The following RBFOX1 variants were observed in gnomAD, a reference collection of about 807,000 sequenced individuals.
RBFOX1 encodes RNA binding protein fox-1 homolog 1.
Under a neutral mutation model 57.7 loss-of-function variants are expected in RBFOX1, and 8 were observed. The ratio of observed to expected loss-of-function variants is 0.14; its 90% CI spans 0.08 to 0.25. The LOEUF (loss-of-function observed/expected upper bound fraction) is 0.25, where lower values mean the gene tolerates loss of function less well. Ranked by LOEUF, RBFOX1 falls within the 10% of genes least tolerant of loss-of-function variation. RBFOX1 has a pLI of 1.00. For synonymous variants in RBFOX1, 326 were observed against 222.4 expected, an observed-to-expected ratio of 1.47 and a Z score of -4.15; for missense variants, 611 against 548.5, an observed-to-expected ratio of 1.11 and a Z score of -1.14.
At chr16:6,826,736 C>G (rs143817555) in intron 3 of RBFOX1, among the ~76,000 whole-genome samples, 1 of 152,058 alleles carries the variant, frequency 6.6e-6, no homozygotes, top group Non-Finnish European at 1.5e-5. Context: ...GCTCATTTCT[C>G]TTTAATAATT....
At chr16:6,520,454 C>A (rs1159050763) in intron 2 of RBFOX1, among the ~76,000 whole-genome samples, 1 of 151,982 alleles carries the variant, frequency 6.6e-6, no homozygotes, top group African/African-American at 2.4e-5. Context: ...GTCTGAAGGG[C>A]CTCATTTAAC....
intron 3 of RBFOX1, among the ~76,000 whole-genome samples, chr16:5,856,875 T>G (rs369703551): frequency 2.2e-3 from 336 of 152,066 alleles, no homozygotes; most frequent in African/African-American, 7.8e-3. Context: ...GTCCATATCA[T>G]CAGCAAGGCT....
chr16:6,402,417 T>C (rs1479470770), intron 2 of RBFOX1, among the ~76,000 whole-genome samples: 2 of 152,252 alleles, frequency 1.3e-5, no homozygotes, highest in Non-Finnish European at 2.9e-5. Context: ...ACACATTTGC[T>C]TGCTTTTTTT....
chr16:7,481,310 A>T (rs893462115), intron 4 of RBFOX1, among the ~76,000 whole-genome samples: 1 of 152,202 alleles, frequency 6.6e-6, no homozygotes, highest in African/African-American at 2.4e-5. Flanking sequence ...TTATCTATAT[A>T]ATGTGTAAAC....
intron 1 of RBFOX1, 64 bp from the exon 2 acceptor site, chr16:6,316,931 A>C: frequency 7.0e-7 from 1 of 1,423,350 alleles, no homozygotes; most frequent in Non-Finnish European, 9.5e-7. Flanking sequence ...TGACAAAAAA[A>C]GTGCGGACAA....
chr16:6,891,601 G>A (rs1383733504), intron 3 of RBFOX1, among the ~76,000 whole-genome samples: 2 of 152,166 alleles, frequency 1.3e-5, no homozygotes, highest in Non-Finnish European at 2.9e-5. Context: ...CAGCACCATT[G>A]TTCCAAATCA....
chr16:6,192,811 T>A (rs532537495), intron 1 of RBFOX1, among the ~76,000 whole-genome samples: 1 of 152,278 alleles, frequency 6.6e-6, no homozygotes, highest in East Asian at 1.9e-4. Context: ...ACTAAAAGAT[T>A]TCCGTAAACA....
chr16:6,464,494 C>T (rs950216607), intron 2 of RBFOX1, among the ~76,000 whole-genome samples: 3 of 152,210 alleles, frequency 2.0e-5, no homozygotes, highest in Non-Finnish European at 2.9e-5. Flanking sequence ...CTACCCTGAT[C>T]TAATGCATAC....
intron 1 of RBFOX1, among the ~76,000 whole-genome samples, chr16:6,062,067 A>G (rs1420988235): frequency 6.6e-6 from 1 of 152,106 alleles, no homozygotes; most frequent in African/African-American, 2.4e-5. Flanking sequence ...GTTTATTATA[A>G]AGGATATTAC....
rs1234238989 is a variant in RBFOX1, at chr16:5,467,978, G to A, written c.258+724G>A. Among the ~76,000 whole-genome samples, 4 of 152,166 alleles carry A rather than the reference G, an allele frequency of 2.6e-5. No individual in the cohort carries two copies. In the East Asian group the frequency reaches 7.7e-4, roughly 29 times the overall value. ...AGGATTGCATGGCTGGCCCTTGAGT[G>A]GATTGGGGATGGTTTAAGTGGCAAA... On this transcript the variant is annotated intron_variant, in intron 2 of 2. Transcript: ENST00000585867.
chr16:5,805,690 G>T (rs945033681), intron 3 of RBFOX1, among the ~76,000 whole-genome samples: 5 of 152,226 alleles, frequency 3.3e-5, no homozygotes, highest in African/African-American at 1.2e-4. Flanking sequence ...GCAGAACTCA[G>T]AGGGCTATAG....
At position 5,642,789 on chromosome 16, in the gene RBFOX1, C is replaced by G. The variant is rs77673395; in HGVS notation, c.318+43828C>G. Among the ~76,000 whole-genome samples, 9 of 152,228 alleles carry G rather than the reference C, an allele frequency of 5.9e-5. No homozygotes were observed. In the East Asian group the frequency reaches 1.4e-3, roughly 23 times the overall value. On this transcript the variant is annotated intron_variant, in intron 3 of 19. Transcript: ENST00000641259. ...TGGTTTCCTCTGATGGTGTTCTCCC[C>G]TGATGTGTGTCTTACCCAGGACTTG... is the stretch of plus-strand genomic sequence containing the variant.
chr16:6,005,467 T>C (rs1038219130), intron 4 of RBFOX1, among the ~76,000 whole-genome samples: 1 of 152,218 alleles, frequency 6.6e-6, no homozygotes, highest in Non-Finnish European at 1.5e-5. Context: ...GCTGGGAAGA[T>C]ACAGAAATGA....
chr16:6,436,879 T>A (rs1204027469), intron 2 of RBFOX1, among the ~76,000 whole-genome samples: 1 of 152,134 alleles, frequency 6.6e-6, no homozygotes, highest in African/African-American at 2.4e-5. Flanking sequence ...GTGGTGACAT[T>A]TAAGCAAACT....
chr16:6,210,358 C>CCAAAAAAAAAAAAAAAAAAAAAA (rs2097286859), intron 1 of RBFOX1, among the ~76,000 whole-genome samples: 1 of 96,684 alleles, frequency 1.0e-5, no homozygotes. Context: ...AAAAAAAAAA[C>CCAAAAAAAAAAAAAAAAAAAAAA]ACCAAAAAAA....
At position 5,750,357 on chromosome 16, in the gene RBFOX1, A is replaced by G. The variant is rs116109148; in HGVS notation, c.319-116946A>G. ...GCAGACTGTCCATTCTCAGATGTCAAACTCCATGCTGGGAGAACTAGTACT... is the reference window on the plus strand; with the variant it reads ...GCAGACTGTCCATTCTCAGATGTCAGACTCCATGCTGGGAGAACTAGTACT... On this transcript the variant is annotated intron_variant, in intron 3 of 19. Transcript: ENST00000641259. Among the ~76,000 whole-genome samples the G allele has an allele frequency of 8.0e-3, 1,213 of 152,312 alleles. 21 individuals carry two copies. Among genetic ancestry groups the G allele is most frequent in the African/African-American group, 0.027 (1,130 of 41,568 alleles).
At chr16:6,653,287 C>T (rs549550125) in intron 2 of RBFOX1, among the ~76,000 whole-genome samples, 4 of 151,306 alleles carry the variant, frequency 2.6e-5, no homozygotes, top group African/African-American at 9.7e-5. Context: ...TCTGGAATAC[C>T]ATTAAGTGAT....
chr16:5,345,445 A>G (rs1706421791), intron 1 of RBFOX1, among the ~76,000 whole-genome samples: 1 of 152,268 alleles, frequency 6.6e-6, no homozygotes, highest in Admixed American at 6.5e-5. Flanking sequence ...GGCCAGGGAG[A>G]TCAGCCGCTG....
chr16:7,046,563 C>A (rs1311163741), intron 3 of RBFOX1, among the ~76,000 whole-genome samples: 1 of 149,368 alleles, frequency 6.7e-6, no homozygotes, highest in Non-Finnish European at 1.5e-5. Context: ...AAGTTTATCA[C>A]CACGTATGCC....
Sources: allele counts gnomAD v4.1 joint callset (sites outside exome capture counted in the v4.1 genomes callset), GRCh38; gene constraint gnomAD v4.1.1; transcripts MANE v1.5; gene names NCBI Gene and HGNC (gene_info 2026-07-23, HGNC 2026-07-21).